Variants in ADGRL3 observed in about 807,000 individuals in gnomAD.
ADGRL3 encodes adhesion G protein-coupled receptor L3, also known as calcium-independent alpha-latrotoxin receptor 3.
A neutral mutation model predicts 153.5 loss-of-function variants in ADGRL3; 62 were observed. That is an observed-to-expected ratio of 0.40 (90% confidence interval 0.33 to 0.50). The LOEUF (loss-of-function observed/expected upper bound fraction) is 0.50. ADGRL3 is among the 20% of genes least tolerant of loss of function. ADGRL3 has a pLI of 0.47. For synonymous variants in ADGRL3, 710 were observed against 672.5 expected (o/e 1.06, Z -0.86); for missense variants, 1,641 against 1,859.4 (o/e 0.88, Z 2.16).
In ADGRL3 at chr4:61,774,798, T is replaced by C. The variant is rs572150281; in HGVS notation, c.1400-39011T>C. ...CTAATTTATAAATTAAACTTTGTTA[T>C]AGGTGTGTATGTATGGGGAAAAACC... On this transcript the variant is annotated intron_variant, in intron 8 of 26. Coordinates refer to ENST00000683033, the MANE Select transcript of ADGRL3 (RefSeq NM_001387552.1). Among the ~76,000 whole-genome samples, 6 of 152,326 alleles carry C rather than the reference T, an allele frequency of 3.9e-5. No homozygotes were observed. The South Asian group carries it at 1.0e-3, about 26-fold the overall frequency.
chr4:61,221,779 ATTG>A (rs1181731011), intron 1 of ADGRL3, among the ~76,000 whole-genome samples: 3 of 152,102 alleles, frequency 2.0e-5, no homozygotes, highest in African/African-American at 4.8e-5. Context: ...ATTTTGTGCA[ATTG>A]TTGTAGCAAA....
chr4:61,277,443 AT>A (rs1302163146), intron 1 of ADGRL3, among the ~76,000 whole-genome samples: 2 of 152,078 alleles, frequency 1.3e-5, no homozygotes, highest in Non-Finnish European at 2.9e-5. Context: ...CATTAAACCT[AT>A]TTATTTTATT....
rs34166403 is a variant in ADGRL3 at position 61,648,349 on chromosome 4, C to CTTTT, written c.474-28459_474-28456dup. Among the ~76,000 whole-genome samples the CTTTT allele has an allele frequency of 4.2e-4, 42 of 99,650 alleles. 1 individual carries two copies. Among genetic ancestry groups the CTTTT allele is most frequent in the Middle Eastern group, 7.7e-3 (1 of 130 alleles). The allele number at this position is 99,650 out of a possible 152,430, so 65.4% of individuals were successfully genotyped here. ...TTTAAGAGTTAGGAAATGAAATCGG[C>CTTTT]TTTTTTTTTTTTTTTTTTTTTAATT... On this transcript the variant is annotated intron_variant, in intron 5 of 26. Transcript: ENST00000683033.
intron 2 of ADGRL3, among the ~76,000 whole-genome samples, chr4:61,423,074 G>A (rs144717441): frequency 6.6e-6 from 1 of 152,070 alleles, no homozygotes; most frequent in African/African-American, 2.4e-5. Context: ...GGGGCACATG[G>A]CTAAGACATT....
intron 2 of ADGRL3, among the ~76,000 whole-genome samples, chr4:61,490,172 C>G (rs1258311077): frequency 6.6e-6 from 1 of 152,078 alleles, no homozygotes; most frequent in Non-Finnish European, 1.5e-5. Context: ...GAGATCTTAG[C>G]CATTCTTCAA....
Position 61,497,558 on chromosome 4 carries a change from C to G in ADGRL3, c.55+210C>G, listed in dbSNP as rs2098333981. Among the ~76,000 whole-genome samples, 2 of 145,782 alleles carry G rather than the reference C, an allele frequency of 1.4e-5. 1 individual carries two copies. Among genetic ancestry groups the G allele is most frequent in the South Asian group, 4.3e-4 (2 of 4,636 alleles). ...TCAGTCAGAGCCTCGCACTGTCACC[C>G]AGGCTCGAGTGCGGTGGCACGATCT... On this transcript the variant is annotated intron_variant, in intron 3 of 26. Coordinates refer to ENST00000683033, the MANE Select transcript of ADGRL3 (RefSeq NM_001387552.1).
chr4:61,229,926 A>G (rs1022834245), intron 1 of ADGRL3, among the ~76,000 whole-genome samples: 10 of 151,864 alleles, frequency 6.6e-5, no homozygotes, highest in Non-Finnish European at 1.2e-4. Context: ...ATACACACAT[A>G]TATGTATATA....
chr4:61,439,049 A>C (rs1345617636), intron 2 of ADGRL3, among the ~76,000 whole-genome samples: 1 of 152,162 alleles, frequency 6.6e-6, no homozygotes, highest in African/African-American at 2.4e-5. Flanking sequence ...TGAAGGAAAC[A>C]GAAACCCAGA....
intron 4 of ADGRL3, among the ~76,000 whole-genome samples, chr4:61,556,913 C>T (rs1446703863): frequency 6.6e-6 from 1 of 152,086 alleles, no homozygotes; most frequent in Admixed American, 6.6e-5. Context: ...TTTTATAAGT[C>T]CCCTGAGTTT....
At chr4:61,372,636 G>A (rs1222270851) in intron 1 of ADGRL3, among the ~76,000 whole-genome samples, 4 of 152,184 alleles carry the variant, frequency 2.6e-5, no homozygotes, top group South Asian at 2.1e-4. Flanking sequence ...CTTCAAAGCT[G>A]TCAGACAAGG....
chr4:61,823,843 C>T (rs539418406), intron 9 of ADGRL3, among the ~76,000 whole-genome samples: 3 of 151,998 alleles, frequency 2.0e-5, no homozygotes, highest in South Asian at 4.2e-4. Flanking sequence ...GGGTGGTTCA[C>T]GAGGTCAGGA....
intron 22 of ADGRL3, among the ~76,000 whole-genome samples, chr4:62,030,533 C>T (rs1408471634): frequency 6.6e-6 from 1 of 151,520 alleles, no homozygotes; most frequent in African/African-American, 2.4e-5. Context: ...CATAACTTAA[C>T]CACAAATATA....
At chr4:61,263,156 A>G (rs1226620619) in intron 1 of ADGRL3, among the ~76,000 whole-genome samples, 8 of 152,108 alleles carry the variant, frequency 5.3e-5, no homozygotes, top group Admixed American at 5.2e-4. Flanking sequence ...TGCAGAAACA[A>G]TTCATATTCA....
intron 21 of ADGRL3, among the ~76,000 whole-genome samples, chr4:62,025,360 A>G (rs2151434335): frequency 6.6e-6 from 1 of 152,308 alleles, no homozygotes; most frequent in African/African-American, 2.4e-5. Context: ...GGGGATTAGT[A>G]TAAGAAAAGT....
intron 6 of ADGRL3, among the ~76,000 whole-genome samples, chr4:61,713,351 A>C (rs2151506180): frequency 6.6e-6 from 1 of 152,144 alleles, no homozygotes; most frequent in African/African-American, 2.4e-5. Context: ...AAGTTCATTA[A>C]GCTGATGAAT....
At chr4:61,850,267 A>G (rs974547385) in intron 9 of ADGRL3, among the ~76,000 whole-genome samples, 1 of 152,136 alleles carries the variant, frequency 6.6e-6, no homozygotes, top group Non-Finnish European at 1.5e-5. Context: ...ATTTATAGGT[A>G]TAGACACTGA....
intron 19 of ADGRL3, among the ~76,000 whole-genome samples, chr4:61,994,910 G>T (rs1395884160): frequency 6.6e-6 from 1 of 150,402 alleles, no homozygotes; most frequent in African/African-American, 2.4e-5. Context: ...ACTCAACTTT[G>T]GTTTTCTTTT....
chr4:61,746,178 C>A (rs1248154318), intron 8 of ADGRL3, among the ~76,000 whole-genome samples: 2 of 152,000 alleles, frequency 1.3e-5, no homozygotes, highest in Non-Finnish European at 2.9e-5. Context: ...ATATATGCAC[C>A]CAACACAGGA....
At chr4:61,449,143 A>T (rs1426381590) in intron 2 of ADGRL3, among the ~76,000 whole-genome samples, 3 of 151,476 alleles carry the variant, frequency 2.0e-5, no homozygotes, top group Admixed American at 6.6e-5. Flanking sequence ...TTAATTAATT[A>T]ATTTATTTTT....
Sources: allele counts gnomAD v4.1 joint callset (sites outside exome capture counted in the v4.1 genomes callset), GRCh38; gene constraint gnomAD v4.1.1; transcripts MANE v1.5; gene names NCBI Gene and HGNC (gene_info 2026-07-23, HGNC 2026-07-21).